The following ROR2 variants were observed in gnomAD, a reference collection of about 807,000 sequenced individuals.
ROR2 encodes the protein tyrosine-protein kinase transmembrane receptor ROR2.
Under a neutral mutation model 74.9 loss-of-function variants are expected in ROR2, and 33 were observed. The observed-to-expected ratio is 0.44, with a 90% CI of 0.33 to 0.59. ROR2 has a LOEUF of 0.59. ROR2 is among the 20% of genes least tolerant of loss of function. The pLI is 0.02. For missense variants in ROR2, 1,216 were observed against 1,313.8 expected, an observed-to-expected ratio of 0.93 and a Z score of 1.15; for synonymous variants, 586 against 558.7, an observed-to-expected ratio of 1.05 and a Z score of -0.69.
At chr9:91,742,588 C>T (rs1446251818) in intron 4 of ROR2, among the ~76,000 whole-genome samples, 1 of 152,232 alleles carries the variant, frequency 6.6e-6, no homozygotes, top group Non-Finnish European at 1.5e-5. Flanking sequence ...TTTTGGTTAA[C>T]AGCAGACCAC....
chr9:91,746,389 T>G (rs571684096), intron 4 of ROR2, among the ~76,000 whole-genome samples: 2 of 152,350 alleles, frequency 1.3e-5, no homozygotes, highest in East Asian at 3.9e-4. Flanking sequence ...GCCTGGTTTC[T>G]GCTCACGTCA....
chr9:91,872,573 T>G (rs144909819), intron 1 of ROR2, among the ~76,000 whole-genome samples: 89 of 152,348 alleles, frequency 5.8e-4, no homozygotes, highest in African/African-American at 2.1e-3. Context: ...TCCCAAGTCC[T>G]ACCTTGGGGC....
chr9:91,897,989 C>T (rs549211859), intron 1 of ROR2, among the ~76,000 whole-genome samples: 4 of 152,238 alleles, frequency 2.6e-5, no homozygotes, highest in African/African-American at 7.2e-5. Flanking sequence ...GAGCACCAGA[C>T]GGGCCACCCA....
At chr9:91,725,730 C>G (rs1428491774) in intron 8 of ROR2, among the ~76,000 whole-genome samples, 2 of 151,648 alleles carry the variant, frequency 1.3e-5, no homozygotes, top group Non-Finnish European at 2.9e-5. Flanking sequence ...CCCTGAGAAC[C>G]CTGCATCTCT....
At chr9:91,906,711 T>C (rs1830828145) in intron 1 of ROR2, among the ~76,000 whole-genome samples, 1 of 152,158 alleles carries the variant, frequency 6.6e-6, no homozygotes, top group African/African-American at 2.4e-5. Flanking sequence ...TCTATTAATC[T>C]TTTTCATTAT....
At chr9:91,869,718 C>T (rs533704288) in intron 1 of ROR2, among the ~76,000 whole-genome samples, 41 of 152,250 alleles carry the variant, frequency 2.7e-4, no homozygotes, top group African/African-American at 7.7e-4. Context: ...GCAATTGCTC[C>T]ATATCCCGAT....
intron 1 of ROR2, among the ~76,000 whole-genome samples, chr9:91,856,966 C>G (rs1413599449): frequency 6.6e-6 from 1 of 152,222 alleles, no homozygotes; most frequent in Non-Finnish European, 1.5e-5. Context: ...TGAGGTCACC[C>G]TACTACTGGT....
At chr9:91,947,841 C>T (rs1480745757) in intron 1 of ROR2, among the ~76,000 whole-genome samples, 1 of 152,122 alleles carries the variant, frequency 6.6e-6, no homozygotes, top group Admixed American at 6.5e-5. Flanking sequence ...CTTTTCACAG[C>T]AGAAAAGATC....
intron 1 of ROR2, among the ~76,000 whole-genome samples, chr9:91,943,449 C>T (rs1831932222): frequency 6.6e-6 from 1 of 152,040 alleles, no homozygotes; most frequent in Non-Finnish European, 1.5e-5. Flanking sequence ...CAATTCAACC[C>T]CTCCAGATTC....
At chr9:91,909,190 T>C (rs1193373464) in intron 1 of ROR2, among the ~76,000 whole-genome samples, 2 of 152,218 alleles carry the variant, frequency 1.3e-5, no homozygotes, top group East Asian at 1.9e-4. Context: ...CATGGGTGCA[T>C]TTCCTCACCC....
chr9:91,724,342 G>A lies in ROR2; in HGVS notation c.2152C>T (p.Pro718Ser), dbSNP rs759122430. The A allele has an allele frequency of 2.5e-6, 4 of 1,613,520 alleles. No individual in the cohort carries two copies. Among genetic ancestry groups the A allele is most frequent in the Non-Finnish European group, 3.4e-6 (4 of 1,180,028 alleles). ...RQVLPCPDDC[P>S]AWVYALMIEC... Reference sequence around the variant, plus strand: ...ATCATGAGGGCATACACCCAGGCGGGACAGTCATCGGGGCAAGGCAGCACC... The same window carrying A: ...ATCATGAGGGCATACACCCAGGCGGAACAGTCATCGGGGCAAGGCAGCACC... Residue 718 changes from proline to serine, a missense_variant, in exon 9 of 9, where the codon CCC becomes TCC. Transcript: ENST00000375708.
intron 4 of ROR2, among the ~76,000 whole-genome samples, chr9:91,755,157 G>C (rs186416758): frequency 5.5e-5 from 8 of 145,100 alleles, no homozygotes; most frequent in Middle Eastern, 3.6e-3. Context: ...TGTCTATTTG[G>C]GGGGGGAAAA....
At chr9:91,908,907 T>G (rs1830883811) in intron 1 of ROR2, among the ~76,000 whole-genome samples, 1 of 134,222 alleles carries the variant, frequency 7.5e-6, no homozygotes, top group Admixed American at 8.7e-5. Context: ...AAAACTCCAC[T>G]GACCATGAGG....
intron 4 of ROR2, among the ~76,000 whole-genome samples, chr9:91,755,461 A>T (rs1200078866): frequency 3.3e-5 from 5 of 152,254 alleles, no homozygotes; most frequent in African/African-American, 7.2e-5. Flanking sequence ...TCCTCTGGGT[A>T]CACGATGGGA....
At chr9:91,757,221 G>C (rs1175354572) in intron 3 of ROR2, 51 bp downstream of exon 3, 1 of 1,610,392 alleles carries the variant, frequency 6.2e-7, no homozygotes. Context: ...TTGCTCGGTG[G>C]CTGGGAACCT....
intron 1 of ROR2, among the ~76,000 whole-genome samples, chr9:91,872,767 T>A (rs1349442775): frequency 6.6e-6 from 1 of 152,164 alleles, no homozygotes; most frequent in Non-Finnish European, 1.5e-5. Flanking sequence ...GAGGAAGGCA[T>A]GGCTCATGGC....
chr9:91,819,139 TG>T (rs1828046133), intron 1 of ROR2, among the ~76,000 whole-genome samples: 1 of 152,108 alleles, frequency 6.6e-6, no homozygotes, highest in Non-Finnish European at 1.5e-5. Context: ...AGATGAGCCC[TG>T]GTGAATGATC....
chr9:91,888,615 T>C (rs1830348156), intron 1 of ROR2, among the ~76,000 whole-genome samples: 1 of 152,236 alleles, frequency 6.6e-6, no homozygotes. Flanking sequence ...TCTGCCTCCC[T>C]GCCCATGCGT....
intron 1 of ROR2, among the ~76,000 whole-genome samples, chr9:91,788,405 C>A (rs1387450153): frequency 6.6e-6 from 1 of 152,106 alleles, no homozygotes; most frequent in Non-Finnish European, 1.5e-5. Context: ...CACGACCAGG[C>A]ACATCATAGA....
Sources: gnomAD v4.1 joint callset for allele counts (sites outside exome capture counted in the v4.1 genomes callset) on GRCh38, gnomAD v4.1.1 for gene constraint, MANE v1.5 for transcripts, NCBI Gene and HGNC (gene_info 2026-07-23, HGNC 2026-07-21) for gene names.